CCT6A: variants seen among roughly 807,000 people sequenced by gnomAD.
CCT6A encodes the protein T-complex protein 1 subunit zeta.
Under a neutral mutation model 58.6 loss-of-function variants are expected in CCT6A, and 6 were observed. That is an observed-to-expected ratio of 0.10 (90% CI 0.06 to 0.20). The LOEUF (loss-of-function observed/expected upper bound fraction) is 0.20. Among genes scored for constraint, CCT6A ranks in the 10% least tolerant of loss-of-function variants. CCT6A has a pLI of 1.00. For missense variants in CCT6A, 516 were observed against 648.8 expected, an observed-to-expected ratio of 0.80 and a Z score of 2.22; for synonymous variants, 245 against 227.8, an observed-to-expected ratio of 1.08 and a Z score of -0.68.
At position 56,058,072 on chromosome 7, in the gene CCT6A, A is replaced by G; in HGVS notation, c.694A>G (p.Thr232Ala). ...KKRVEDAYIL[T>A]CNVSLEYEKT... ...AAGGGTGGAGGATGCATACATCCTC[A>G]CTTGTAACGTGTCATTAGAGTATGA... The change falls in exon 6 of 14, where the codon ACT becomes GCT. Residue 232 changes from threonine to alanine, a missense_variant. This residue lies in a region of CCT6A where 315 missense variants were observed against 389.4 expected (regional missense o/e 0.81). Coordinates refer to ENST00000275603, the MANE Select transcript of CCT6A (RefSeq NM_001762.4). 5 of 1,599,780 alleles carry G rather than the reference A, an allele frequency of 3.1e-6. No individual in the cohort carries two copies. Among genetic ancestry groups the G allele is most frequent in the Non-Finnish European group, 4.3e-6 (5 of 1,166,906 alleles).
At chr7:56,058,740 G>C (rs748308595) in intron 8 of CCT6A, 38 bp downstream of exon 8, 1 of 1,207,882 alleles carries the variant, frequency 8.3e-7, no homozygotes, top group African/African-American at 1.5e-5. Flanking sequence ...TTTTGCAAGT[G>C]AATTGGGATT....
intron 5 of CCT6A, 83 bp from the exon 6 acceptor site, chr7:56,057,910 T>C (rs1489704321): frequency 7.7e-6 from 6 of 783,682 alleles, no homozygotes; most frequent in Non-Finnish European, 6.7e-6. Context: ...GCGTGAAATA[T>C]CAATACCTTC....
At position 56,061,073 on chromosome 7, in the gene CCT6A, G is replaced by A. The variant is rs187660284; in HGVS notation, c.1347+133G>A. 17 of 914,086 alleles carry A rather than the reference G, an allele frequency of 1.9e-5. No homozygotes were observed. The Admixed American group carries it at 4.5e-4, about 24-fold the overall frequency. The allele number at this position is 914,086 out of a possible 1,614,324, so 56.6% of individuals were successfully genotyped here. On this transcript the variant is annotated intron_variant, in intron 11 of 13. Transcript: ENST00000275603. ...AGTTTTCTTTCTGACTCTAGAACAG[G>A]TATTCCTCATCATCCAGATATATTT... is the stretch of plus-strand genomic sequence containing the variant.
At chr7:56,060,630 G>C (rs1584552409) in intron 10 of CCT6A, 177 bp from the exon 11 acceptor site, 1 of 946,728 alleles carries the variant, frequency 1.1e-6, no homozygotes, top group Non-Finnish European at 1.7e-6. Flanking sequence ...TCTGTTGAAA[G>C]CTGCCAGTGG....
intron 5 of CCT6A, among the ~76,000 whole-genome samples, chr7:56,057,140 T>G (rs1319054534): frequency 6.6e-6 from 1 of 152,054 alleles, no homozygotes; most frequent in Non-Finnish European, 1.5e-5. Context: ...AAGATATAAG[T>G]TGGATAAACT....
At chr7:56,055,011 C>T (rs867598557) in intron 3 of CCT6A, among the ~76,000 whole-genome samples, 6 of 152,098 alleles carry the variant, frequency 3.9e-5, no homozygotes, top group South Asian at 4.1e-4. Context: ...CAGTGGCTCA[C>T]GCCCATAATC....
intron 2 of CCT6A, among the ~76,000 whole-genome samples, chr7:56,052,788 C>CTTTTTTTT (rs776930910): frequency 1.7e-3 from 45 of 27,038 alleles, no homozygotes; most frequent in South Asian, 0.013. Flanking sequence ...TTTTTCTTTT[C>CTTTTTTTT]TTTTCTTTTT....
intron 8 of CCT6A, 36 bp from the exon 9 acceptor site, chr7:56,059,508 C>A: frequency 2.0e-6 from 2 of 1,009,780 alleles, no homozygotes; most frequent in Non-Finnish European, 3.2e-6. Context: ...TCACTGGTAA[C>A]GTTGCTTATC....
chr7:56,055,290 A>T (rs1414712627), intron 3 of CCT6A: 2 of 290,618 alleles, frequency 6.9e-6, no homozygotes, highest in African/African-American at 4.4e-5. Flanking sequence ...AAATGAAAGA[A>T]AATAAAGATA....
At chr7:56,056,183 T>C (rs1794299121) in intron 4 of CCT6A, 128 bp from the exon 5 acceptor site, 2 of 681,570 alleles carry the variant, frequency 2.9e-6, no homozygotes, top group Admixed American at 2.7e-5. Context: ...GTATTCTATT[T>C]GCTGATAGAA....
rs950346063 is a variant in CCT6A at position 56,052,970 on chromosome 7, T to G, written c.201+485T>G. Among the ~76,000 whole-genome samples the G allele has an allele frequency of 1.5e-4, 23 of 152,244 alleles. No individual in the cohort carries two copies. In the South Asian group the frequency reaches 1.9e-3, roughly 12 times the overall value. On this transcript the variant is annotated intron_variant, in intron 2 of 13. Transcript: ENST00000275603. ...CACTACGCCCAGTTGATTTTTGTAT[T>G]TTTAGTAGAGACAGGATTTCACCGT...
intron 11 of CCT6A, among the ~76,000 whole-genome samples, chr7:56,061,517 T>A (rs1794432131): frequency 6.6e-6 from 1 of 151,540 alleles, no homozygotes; most frequent in East Asian, 1.9e-4. Flanking sequence ...CCAGGTTTTT[T>A]TTTATTTTTA....
Position 56,060,258 on chromosome 7 carries a change from T to C in CCT6A, c.1066-11T>C. 6.2e-7 allele frequency: 1 copy of C among 1,610,202 alleles called. No homozygotes were observed. Among genetic ancestry groups the C allele is most frequent in the Non-Finnish European group, 8.5e-7 (1 of 1,177,186 alleles). ...TCCTGTTTTTGAAAATCATATTTTT[T>C]CTACACATAGGGAGAAGAGAAGTTT... is the stretch of plus-strand genomic sequence containing the variant. On this transcript the variant is annotated splice_polypyrimidine_tract_variant and intron_variant, in intron 9 of 13. Transcript: ENST00000275603.
At chr7:56,058,588 G>T in intron 7 of CCT6A, 32 bp from the exon 8 acceptor site, 1 of 1,584,074 alleles carries the variant, frequency 6.3e-7, no homozygotes, top group Non-Finnish European at 8.6e-7. Flanking sequence ...TAAGGTGAAA[G>T]ATGTTGAAAT....
chr7:56,059,552 T>C lies in CCT6A; in HGVS notation c.977T>C (p.Leu326Pro). The C allele has an allele frequency of 6.3e-7, 1 of 1,595,622 alleles. No homozygotes were observed. The highest frequency in any genetic ancestry group is 1.1e-5 in the South Asian group (1 of 90,700). Residue 326 changes from leucine (L) to proline (P), a missense_variant, in exon 9 of 14, where the codon CTT (leucine) becomes CCT (proline). Leu to Pro is a moderately conservative substitution (Grantham distance 98). Transcript: ENST00000275603. Reference protein sequence around the residue: ...AKRRNMERLTLACGGVALNSF... With the variant: ...AKRRNMERLTPACGGVALNSF... Reference sequence around the variant, plus strand: ...TTAAAATGCTATTTCAGGCTGACTCTTGCTTGTGGTGGGGTAGCCCTGAAT... The same window carrying C: ...TTAAAATGCTATTTCAGGCTGACTCCTGCTTGTGGTGGGGTAGCCCTGAAT...
chr7:56,061,661 C>CTTTT lies in CCT6A; in HGVS notation c.1348-83_1348-80dup, dbSNP rs1234849025. 3 of 591,578 alleles carry CTTTT rather than the reference C, an allele frequency of 5.1e-6. No homozygotes were observed. The African/African-American group carries it at 1.0e-4, about 20-fold the overall frequency. The allele number at this position is 591,578 out of a possible 1,614,324, so 36.6% of individuals were successfully genotyped here. ...TGCACCAGGCCGAGATTTTCTTTTTCTTTTTTCTTTTTTTTTTTTTTTTTT... is the reference window on the plus strand; with the variant it reads ...TGCACCAGGCCGAGATTTTCTTTTTCTTTTTTTTTTCTTTTTTTTTTTTTTTTTT... On this transcript the variant is annotated intron_variant, in intron 11 of 13. Transcript: ENST00000275603.
In CCT6A at chr7:56,063,564, T is replaced by A. The variant is rs1312380617; in HGVS notation, c.*479T>A. 2.9e-5 allele frequency: 5 copies of A among 171,046 alleles called. No individual in the cohort carries two copies. Among genetic ancestry groups the A allele is most frequent in the Admixed American group, 1.1e-4 (2 of 17,478 alleles). 10.6% of individuals were successfully genotyped at this position (171,046 alleles called of 1,614,324 possible). ...TAAATTTCTGAGTAAATGCATTGGA[T>A]CAGTTGGACTTTGAACGCCTTTGAA... On this transcript the variant is annotated 3_prime_UTR_variant, in exon 14 of 14. Transcript: ENST00000275603.
At chr7:56,058,197 A>G in intron 6 of CCT6A, 94 bp downstream of exon 6, 3 of 911,836 alleles carry the variant, frequency 3.3e-6, no homozygotes, top group Non-Finnish European at 5.2e-6. Flanking sequence ...TGTAAGGACA[A>G]TAATGCTCAA....
At chr7:56,053,142 A>G (rs1258016550) in intron 2 of CCT6A, among the ~76,000 whole-genome samples, 1 of 152,132 alleles carries the variant, frequency 6.6e-6, no homozygotes, top group African/African-American at 2.4e-5. Flanking sequence ...TCTATCTCCA[A>G]CTGGAGGGGA....
Sources: allele counts gnomAD v4.1 joint callset (sites outside exome capture counted in the v4.1 genomes callset), GRCh38; gene constraint gnomAD v4.1.1; regional missense constraint gnomAD v4.1.1; transcripts MANE v1.5; gene names NCBI Gene and HGNC (gene_info 2026-07-23, HGNC 2026-07-21).